Variants in ADAMTS17 observed in about 807,000 individuals in gnomAD.
The protein encoded by ADAMTS17 is ADAM metallopeptidase with thrombospondin type 1 motif 17.
Under a neutral mutation model 141.5 loss-of-function variants are expected in ADAMTS17, and 113 were observed. That is an observed-to-expected ratio of 0.80 (90% CI 0.69 to 0.93). The LOEUF (loss-of-function observed/expected upper bound fraction) is 0.93. Ranked by LOEUF, ADAMTS17 falls within the 40% of genes least tolerant of loss-of-function variation. The pLI, the probability that ADAMTS17 is intolerant of heterozygous loss-of-function variation, is 0.00. For missense variants in ADAMTS17, 1,659 were observed against 1,517.9 expected, an observed-to-expected ratio of 1.09 and a Z score of -1.54; for synonymous variants, 768 against 630.6, an observed-to-expected ratio of 1.22 and a Z score of -3.27.
chr15:100,206,120 G>A (rs182817598), intron 7 of ADAMTS17, among the ~76,000 whole-genome samples: 27 of 152,328 alleles, frequency 1.8e-4, no homozygotes, highest in Non-Finnish European at 2.6e-4. Flanking sequence ...AACGGCGGGC[G>A]GCACCGTGAA....
chr15:100,261,355 A>G (rs2141994215), intron 6 of ADAMTS17, 124 bp downstream of exon 6: 2 of 1,378,212 alleles, frequency 1.5e-6, no homozygotes, highest in East Asian at 4.8e-5. Flanking sequence ...GGAAACCAAA[A>G]CCCAGACAGG....
At chr15:100,307,543 C>T (rs866143436) in intron 3 of ADAMTS17, among the ~76,000 whole-genome samples, 10 of 152,160 alleles carry the variant, frequency 6.6e-5, no homozygotes, top group Admixed American at 5.2e-4. Flanking sequence ...TCAATAAATT[C>T]CCTTTTATTT....
chr15:100,260,558 G>A (rs935666991), intron 6 of ADAMTS17, among the ~76,000 whole-genome samples: 3 of 151,570 alleles, frequency 2.0e-5, no homozygotes, highest in African/African-American at 7.3e-5. Flanking sequence ...AGGTTGCAGT[G>A]AGCCAGGATT....
intron 7 of ADAMTS17, among the ~76,000 whole-genome samples, chr15:100,231,235 A>G (rs1310581467): frequency 2.0e-5 from 3 of 152,224 alleles, no homozygotes; most frequent in Admixed American, 1.3e-4. Flanking sequence ...GCCATTTGTC[A>G]AAGACAATAA....
intron 3 of ADAMTS17, among the ~76,000 whole-genome samples, chr15:100,318,627 G>A: frequency 6.6e-6 from 1 of 152,210 alleles, no homozygotes; most frequent in East Asian, 1.9e-4. Context: ...CTATCTAGCT[G>A]ACAGTTTTTG....
At chr15:100,085,879 C>G (rs2035067544) in intron 15 of ADAMTS17, among the ~76,000 whole-genome samples, 1 of 152,192 alleles carries the variant, frequency 6.6e-6, no homozygotes, top group Middle Eastern at 3.4e-3. Context: ...CTGGTAACAG[C>G]CACTGCAAAA....
chr15:99,979,568 G>A (rs569188031), intron 20 of ADAMTS17: 49 of 143,338 alleles, frequency 3.4e-4, no homozygotes, highest in African/African-American at 1.3e-3. Flanking sequence ...AACCACGCGA[G>A]TGGTCCACTG....
intron 8 of ADAMTS17, among the ~76,000 whole-genome samples, chr15:100,156,824 C>T (rs1324140471): frequency 6.6e-6 from 1 of 152,212 alleles, no homozygotes; most frequent in Non-Finnish European, 1.5e-5. Flanking sequence ...TATACAAACA[C>T]ACACACACAC....
chr15:100,333,803 C>T (rs2046126890), intron 2 of ADAMTS17, among the ~76,000 whole-genome samples: 1 of 152,228 alleles, frequency 6.6e-6, no homozygotes. Flanking sequence ...GAAACACTAG[C>T]TATGAGCCTG....
intron 8 of ADAMTS17, among the ~76,000 whole-genome samples, chr15:100,185,647 G>A (rs1288053404): frequency 1.1e-4 from 16 of 152,186 alleles, no homozygotes; most frequent in Admixed American, 9.2e-4. Flanking sequence ...CTCTTTTCCT[G>A]TAACTTGCAG....
At chr15:100,086,522 C>A (rs1468766229) in intron 15 of ADAMTS17, among the ~76,000 whole-genome samples, 3 of 152,124 alleles carry the variant, frequency 2.0e-5, no homozygotes, top group African/African-American at 7.2e-5. Context: ...GAACTCTCCA[C>A]CCCAAATCAA....
At chr15:100,045,170 TTTTG>T (rs551798643) in intron 18 of ADAMTS17, among the ~76,000 whole-genome samples, 2 of 152,116 alleles carry the variant, frequency 1.3e-5, no homozygotes, top group Non-Finnish European at 1.5e-5. Flanking sequence ...TAGTAATATA[TTTTG>T]TTTGTCCTAA....
chr15:99,996,961 A>T (rs1013038447), intron 19 of ADAMTS17, among the ~76,000 whole-genome samples: 3 of 152,222 alleles, frequency 2.0e-5, no homozygotes, highest in African/African-American at 7.2e-5. Context: ...TCCAACTTGC[A>T]CACTAAAAGC....
chr15:100,144,525 G>A (rs2038808376), intron 10 of ADAMTS17, among the ~76,000 whole-genome samples: 1 of 152,104 alleles, frequency 6.6e-6, no homozygotes, highest in South Asian at 2.1e-4. Flanking sequence ...TCTCCAGCCT[G>A]GGTGACAGAG....
chr15:100,143,256 C>A (rs975732985), intron 10 of ADAMTS17, among the ~76,000 whole-genome samples: 1 of 152,228 alleles, frequency 6.6e-6, no homozygotes, highest in Admixed American at 6.5e-5. Flanking sequence ...AATACACACT[C>A]TTCCTTGCAG....
intron 18 of ADAMTS17, among the ~76,000 whole-genome samples, chr15:100,008,076 A>T (rs1045997076): frequency 6.7e-6 from 1 of 148,856 alleles, no homozygotes. Context: ...GCTGGCCCAG[A>T]AGAGGCCTCA....
chr15:100,240,270 T>C (rs1446901875), intron 7 of ADAMTS17, among the ~76,000 whole-genome samples: 1 of 152,136 alleles, frequency 6.6e-6, no homozygotes, highest in Non-Finnish European at 1.5e-5. Flanking sequence ...CCTAAGTGAC[T>C]CCTGTTCTCA....
In ADAMTS17 at chr15:100,072,099, T is replaced by C. The variant is rs1371551280; in HGVS notation, c.2138-18045A>G. ...CAATGTGCAAAAATCACAGTCTTTC[T>C]TATACACCAGTAACAGATAAACAGA... On this transcript the variant is annotated intron_variant, in intron 15 of 21. Coordinates refer to ENST00000268070, the MANE Select transcript of ADAMTS17 (RefSeq NM_139057.4). 7.3e-5 allele frequency among the ~76,000 whole-genome samples: 11 copies of C among 150,224 alleles called. 1 individual carries two copies. The highest frequency in any genetic ancestry group is 1.2e-4 in the Non-Finnish European group (8 of 67,514).
chr15:100,191,914 C>A (rs11247165), intron 8 of ADAMTS17, among the ~76,000 whole-genome samples: 99,097 of 152,106 alleles, frequency 0.65, 34,120 homozygotes, highest in South Asian at 0.8. Flanking sequence ...TGTGGCTTGT[C>A]AAGGTGAAGA....
Sources: gnomAD v4.1 joint callset for allele counts (sites outside exome capture counted in the v4.1 genomes callset) on GRCh38, gnomAD v4.1.1 for gene constraint, MANE v1.5 for transcripts, NCBI Gene and HGNC (gene_info 2026-07-23, HGNC 2026-07-21) for gene names.